The following DCTN4 variants were observed in gnomAD, a reference collection of about 807,000 sequenced individuals.
The protein encoded by DCTN4 is dynactin 4 (p62).
In DCTN4, 23 loss-of-function variants were observed where a neutral mutation model predicts 62.7. The ratio of observed to expected loss-of-function variants is 0.37; its 90% CI spans 0.26 to 0.52. The LOEUF (loss-of-function observed/expected upper bound fraction) is 0.52. DCTN4 is among the 20% of genes least tolerant of loss of function. The pLI is 0.92. For missense variants in DCTN4, 514 were observed against 580.4 expected (o/e 0.89, Z 1.18); for synonymous variants, 199 against 202.1 (o/e 0.98, Z 0.13).
At chr5:150,731,513 AT>A in intron 5 of DCTN4, 24 bp from the exon 6 acceptor site, 1 of 1,600,678 alleles carries the variant, frequency 6.2e-7, no homozygotes, top group Non-Finnish European at 8.5e-7. Flanking sequence ...AGAAATTCCT[AT>A]TAGAAAGTCC....
rs932163492 is a variant in DCTN4, at chr5:150,710,038, GT to G, written c.*1110del. The G allele has an allele frequency of 6.6e-6, 1 of 152,304 alleles. No individual in the cohort carries two copies. The highest frequency in any genetic ancestry group is 2.4e-5 in the African/African-American group (1 of 41,434). The allele number at this position is 152,304 out of a possible 1,614,324, so 9.4% of individuals were successfully genotyped here. ...GGGCTACTTGCTGAACTATTTTATGGTTTACAATCAAAATGGTCTTATTTGA... is the reference window on the plus strand; with the variant it reads ...GGGCTACTTGCTGAACTATTTTATGGTTACAATCAAAATGGTCTTATTTGA... On this transcript the variant is annotated 3_prime_UTR_variant, in exon 13 of 13. Coordinates refer to ENST00000447998, the MANE Select transcript of DCTN4 (RefSeq NM_016221.4).
At chr5:150,732,429 G>C (rs527645773) in intron 5 of DCTN4, among the ~76,000 whole-genome samples, 2 of 152,314 alleles carry the variant, frequency 1.3e-5, no homozygotes, top group African/African-American at 4.8e-5. Flanking sequence ...GGGATTACAG[G>C]CGTGAGCCAC....
intron 4 of DCTN4, among the ~76,000 whole-genome samples, chr5:150,741,035 A>C (rs946997679): frequency 3.3e-5 from 5 of 152,080 alleles, no homozygotes; most frequent in Admixed American, 2.0e-4. Context: ...GGTGTTCCCC[A>C]AAAACCTATT....
chr5:150,753,260 AAAGCTATT>A (rs1325271798), intron 3 of DCTN4, among the ~76,000 whole-genome samples: 3 of 152,246 alleles, frequency 2.0e-5, no homozygotes, highest in Non-Finnish European at 4.4e-5. Context: ...CAGATTTATA[AAAGCTATT>A]TTATCAAGTC....
At chr5:150,714,382 T>C (rs1237679976) in intron 12 of DCTN4, among the ~76,000 whole-genome samples, 1 of 151,774 alleles carries the variant, frequency 6.6e-6, no homozygotes, top group African/African-American at 2.4e-5. Flanking sequence ...ACTCCAAAAA[T>C]GTCTTTTTTT....
intron 1 of DCTN4, among the ~76,000 whole-genome samples, chr5:150,757,138 C>T (rs966700360): frequency 6.6e-6 from 1 of 152,078 alleles, no homozygotes; most frequent in East Asian, 1.9e-4. Flanking sequence ...ACTCTAGTCA[C>T]CTGCAAATGA....
In DCTN4 at chr5:150,710,943, T is replaced by C. The variant is rs987310193; in HGVS notation, c.*206A>G. 1.0e-5 allele frequency: 6 copies of C among 579,590 alleles called. No homozygotes were observed. Among genetic ancestry groups the C allele is most frequent in the East Asian group, 2.9e-5 (1 of 34,428 alleles). 35.9% of individuals were successfully genotyped at this position (579,590 alleles called of 1,614,324 possible). On this transcript the variant is annotated 3_prime_UTR_variant, in exon 13 of 13. Coordinates refer to ENST00000447998, the MANE Select transcript of DCTN4 (RefSeq NM_016221.4). ...TTCAGTGAGGGAGACACAGACTTACTGGTGTCAACAGGGGTGAGAGCAAGA... is the reference window on the plus strand; with the variant it reads ...TTCAGTGAGGGAGACACAGACTTACCGGTGTCAACAGGGGTGAGAGCAAGA...
intron 1 of DCTN4, 152 bp from the exon 2 acceptor site, chr5:150,756,639 GT>G (rs35101821): frequency 2.3e-4 from 68 of 293,982 alleles, no homozygotes; most frequent in Middle Eastern, 9.1e-4. Flanking sequence ...TCAGTCACCT[GT>G]TTTTTTTTTT....
At chr5:150,721,632 T>C (rs568047689) in intron 9 of DCTN4, among the ~76,000 whole-genome samples, 9 of 152,332 alleles carry the variant, frequency 5.9e-5, no homozygotes, top group African/African-American at 2.2e-4. Flanking sequence ...TCATTTGAAA[T>C]TCCTTTCCCA....
In DCTN4 at chr5:150,710,973, C is replaced by T; in HGVS notation, c.*176G>A. 1.6e-6 allele frequency: 1 copy of T among 637,464 alleles called. No homozygotes were observed. The highest frequency in any genetic ancestry group is 2.7e-6 in the Non-Finnish European group (1 of 367,332). 39.5% of individuals were successfully genotyped at this position (637,464 alleles called of 1,614,324 possible). On this transcript the variant is annotated 3_prime_UTR_variant, in exon 13 of 13. Coordinates refer to ENST00000447998, the MANE Select transcript of DCTN4 (RefSeq NM_016221.4). ...TCAACAGGGGTGAGAGCAAGAGCAA[C>T]AGCAGCTACCCTGTGTTCCCAATGC...
At chr5:150,729,275 G>T (rs535049297) in intron 8 of DCTN4, among the ~76,000 whole-genome samples, 4 of 151,210 alleles carry the variant, frequency 2.6e-5, no homozygotes, top group Non-Finnish European at 5.9e-5. Context: ...ATTTTCTAAC[G>T]TGTACAAAAA....
chr5:150,752,537 G>T (rs1207266994), intron 3 of DCTN4, among the ~76,000 whole-genome samples: 2 of 152,110 alleles, frequency 1.3e-5, no homozygotes. Flanking sequence ...TTTAAAATTG[G>T]TCTCCAAGAT....
At chr5:150,747,026 A>T (rs1033440369) in intron 3 of DCTN4, among the ~76,000 whole-genome samples, 1 of 152,150 alleles carries the variant, frequency 6.6e-6, no homozygotes. Context: ...ACATGATTGT[A>T]TATCTAGAAA....
Position 150,742,128 on chromosome 5 carries a change from G to A in DCTN4, c.415C>T (p.Pro139Ser). 6.2e-7 allele frequency: 1 copy of A among 1,613,816 alleles called. No homozygotes were observed. The highest frequency in any genetic ancestry group is 8.5e-7 in the Non-Finnish European group (1 of 1,179,874). Residue 139 changes from proline (P) to serine (S), a missense_variant, in exon 4 of 13, where the codon CCT becomes TCT. By Grantham distance (74) the Pro-to-Ser change is moderately conservative (BLOSUM62 -1). Coordinates refer to ENST00000447998, the MANE Select transcript of DCTN4 (RefSeq NM_016221.4). ...CCTTTACTTACCCGTTGTGTGTGAG[G>A]ATTTTCAGGTTCCTGCCAACCGCCA... ...ASGGWQEPEN[P>S]HTQRMNKLIE... is the part of the protein sequence containing the mutation.
At chr5:150,714,526 G>A (rs187388388) in intron 12 of DCTN4, among the ~76,000 whole-genome samples, 1 of 151,770 alleles carries the variant, frequency 6.6e-6, no homozygotes. Flanking sequence ...ACAAGCATGC[G>A]CTGCTACACC....
intron 1 of DCTN4, 25 bp downstream of exon 1, chr5:150,758,834 A>C (rs1192309897): frequency 6.2e-7 from 1 of 1,605,158 alleles, no homozygotes; most frequent in East Asian, 2.2e-5. Flanking sequence ...CACCCCACAT[A>C]CTCGCTATAG....
intron 3 of DCTN4, among the ~76,000 whole-genome samples, chr5:150,750,253 A>G (rs1157117464): frequency 2.0e-5 from 3 of 152,220 alleles, no homozygotes; most frequent in African/African-American, 7.2e-5. Flanking sequence ...TAGCCAAATA[A>G]AGGGAAAAAT....
rs1020424504 is a variant in DCTN4 at position 150,758,558 on chromosome 5, G to GACCTTTCTCCGTAGTCC, written c.135+284_135+300dup. 2.5e-5 allele frequency: 28 copies of GACCTTTCTCCGTAGTCC among 1,119,444 alleles called. No homozygotes were observed. The African/African-American group carries it at 4.4e-4, about 18-fold the overall frequency. 69.3% of individuals were successfully genotyped at this position (1,119,444 alleles called of 1,614,324 possible). A position where few individuals can be genotyped will look rare whatever the true frequency, so the allele number is the denominator to read the frequency against. Reference sequence around the variant, plus strand: ...AAGTGGCCTGAACTAAGCACCCCCAGACCTTTCTCCGTAGTCCACCCAATT... The same window carrying GACCTTTCTCCGTAGTCC: ...AAGTGGCCTGAACTAAGCACCCCCAGACCTTTCTCCGTAGTCCACCTTTCTCCGTAGTCCACCCAATT... On this transcript the variant is annotated intron_variant, in intron 1 of 12. Transcript: ENST00000447998.
chr5:150,752,170 T>C (rs1474778713), intron 3 of DCTN4, among the ~76,000 whole-genome samples: 1 of 152,086 alleles, frequency 6.6e-6, no homozygotes, highest in Non-Finnish European at 1.5e-5. Flanking sequence ...ATTTTATTAA[T>C]TTTTTTTAAA....
Sources: gnomAD v4.1 joint callset for allele counts (sites outside exome capture counted in the v4.1 genomes callset) on GRCh38, gnomAD v4.1.1 for gene constraint, MANE v1.5 for transcripts, NCBI Gene and HGNC (gene_info 2026-07-23, HGNC 2026-07-21) for gene names.